The following STXBP5L variants were observed in gnomAD, a reference collection of about 807,000 sequenced individuals.
The protein encoded by STXBP5L is syntaxin-binding protein 5-like.
STXBP5L carries 65 observed loss-of-function variants against 144.5 expected under a neutral mutation model. That is an observed-to-expected ratio of 0.45 (90% CI 0.37 to 0.55). The LOEUF is 0.55. Among genes scored for constraint, STXBP5L ranks in the 20% least tolerant of loss-of-function variants. The probability of loss-of-function intolerance (pLI) is 0.00; values close to 1 mark genes in which losing one functional copy is unlikely to be tolerated. For missense variants in STXBP5L, 1,298 were observed against 1,405.5 expected (o/e 0.92, Z 1.22); for synonymous variants, 505 against 469.6 (o/e 1.08, Z -0.97).
chr3:121,111,051 T>C (rs1319752495), intron 5 of STXBP5L, among the ~76,000 whole-genome samples: 2 of 152,198 alleles, frequency 1.3e-5, no homozygotes, highest in African/African-American at 4.8e-5. Flanking sequence ...TGTGGGTGCA[T>C]TGTGAAGTTC....
chr3:121,201,411 T>C (rs1329656254), intron 9 of STXBP5L, among the ~76,000 whole-genome samples: 1 of 152,232 alleles, frequency 6.6e-6, no homozygotes, highest in African/African-American at 2.4e-5. Flanking sequence ...AGTATGTCTT[T>C]ACATGTGAGA....
At chr3:121,227,721 T>C (rs111309810) in intron 11 of STXBP5L, among the ~76,000 whole-genome samples, 2,937 of 152,232 alleles carry the variant, frequency 0.019, 89 homozygotes, top group African/African-American at 0.066. Context: ...AATTTCCAAT[T>C]GACAAGGCAA....
chr3:121,312,601 C>T (rs1410028399), intron 19 of STXBP5L, among the ~76,000 whole-genome samples: 3 of 150,694 alleles, frequency 2.0e-5, no homozygotes, highest in Non-Finnish European at 4.4e-5. Context: ...GCAGAGGACC[C>T]TGCGGCCTTC....
At chr3:121,119,252 A>G (rs2044356606) in intron 6 of STXBP5L, among the ~76,000 whole-genome samples, 1 of 151,440 alleles carries the variant, frequency 6.6e-6, no homozygotes, top group Non-Finnish European at 1.5e-5. Context: ...TCAACTGCAA[A>G]TGAGTAGTAA....
intron 5 of STXBP5L, among the ~76,000 whole-genome samples, chr3:121,103,412 T>A (rs762178866): frequency 6.6e-6 from 1 of 152,098 alleles, no homozygotes; most frequent in Non-Finnish European, 1.5e-5. Context: ...CTGGAGGCCA[T>A]TATCTTAAGA....
rs1019724402 is a variant in STXBP5L, at chr3:121,224,561, G to A, written c.1111+1404G>A. ...GAGTGAGATTATTATGACTTGTTAA[G>A]TTTAAGTAATGAAAGACCTTAATTA... On this transcript the variant is annotated intron_variant, in intron 11 of 26. Transcript: ENST00000471454. 2.6e-5 allele frequency among the ~76,000 whole-genome samples: 4 copies of A among 152,258 alleles called. No homozygotes were observed. The South Asian group carries it at 8.3e-4, about 32-fold the overall frequency.
rs1249558033 is a variant in STXBP5L at position 121,378,759 on chromosome 3, C to T, written c.2220C>T (p.Cys740=). The T allele has an allele frequency of 1.2e-6, 2 of 1,613,714 alleles. No homozygotes were observed. Among genetic ancestry groups the T allele is most frequent in the South Asian group, 1.1e-5 (1 of 91,062 alleles). ...GCACAAGTCCAACTTCTCAGAGTTG[C>T]AGTTCTGGAAAACGTCTTTCTAGTG... ...GHCTSPTSQS[C]SSGKRLSSAD... Residue 740 remains cysteine (C), a synonymous_variant, in exon 21 of 27, where the codon TGC becomes TGT. Transcript: ENST00000471454.
At chr3:121,093,200 C>G (rs12493856) in intron 5 of STXBP5L, among the ~76,000 whole-genome samples, 74 of 152,178 alleles carry the variant, frequency 4.9e-4, no homozygotes, top group African/African-American at 1.8e-3. Context: ...ATTTTTGCAT[C>G]AATGTTCATC....
chr3:121,085,268 G>A (rs565407558), intron 5 of STXBP5L, among the ~76,000 whole-genome samples: 1 of 152,100 alleles, frequency 6.6e-6, no homozygotes, highest in East Asian at 1.9e-4. Context: ...TGCAGTTGAC[G>A]TTTTTGTCAT....
At chr3:121,014,610 T>C (rs1341013627) in intron 3 of STXBP5L, among the ~76,000 whole-genome samples, 2 of 124,104 alleles carry the variant, frequency 1.6e-5, no homozygotes, top group Admixed American at 2.0e-4. Flanking sequence ...TACCAAACAT[T>C]AGGTGTCTTA....
intron 2 of STXBP5L, among the ~76,000 whole-genome samples, chr3:120,918,136 A>G (rs566497973): frequency 6.6e-6 from 1 of 152,236 alleles, no homozygotes; most frequent in South Asian, 2.1e-4. Flanking sequence ...AAGCCAGTTG[A>G]TCTTTCCAAC....
chr3:121,070,789 A>G (rs3845851), intron 5 of STXBP5L, among the ~76,000 whole-genome samples: 2,823 of 152,254 alleles, frequency 0.019, 90 homozygotes, highest in African/African-American at 0.065. Context: ...ATCAAAATAT[A>G]TGGAGACAGG....
chr3:121,212,674 T>C (rs2048623476), intron 10 of STXBP5L, among the ~76,000 whole-genome samples: 1 of 152,218 alleles, frequency 6.6e-6, no homozygotes, highest in African/African-American at 2.4e-5. Context: ...TTCTTTTTGC[T>C]TAGCATTGTC....
chr3:121,145,145 T>C (rs2045665778), intron 7 of STXBP5L, among the ~76,000 whole-genome samples: 1 of 151,840 alleles, frequency 6.6e-6, no homozygotes. Flanking sequence ...AATTTGTTAA[T>C]AGGGTAGATC....
At chr3:121,109,002 G>A (rs1038057772) in intron 5 of STXBP5L, among the ~76,000 whole-genome samples, 2 of 152,034 alleles carry the variant, frequency 1.3e-5, no homozygotes, top group Non-Finnish European at 2.9e-5. Context: ...TATTTGCATA[G>A]TATGCAAATA....
chr3:121,285,541 C>A (rs73183129), intron 19 of STXBP5L, among the ~76,000 whole-genome samples: 5,440 of 152,084 alleles, frequency 0.036, 144 homozygotes, highest in Middle Eastern at 0.082. Context: ...AAACAGCTGA[C>A]CTCCCCAAAT....
intron 22 of STXBP5L, among the ~76,000 whole-genome samples, chr3:121,396,411 A>T (rs2046731070): frequency 6.6e-6 from 1 of 152,218 alleles, no homozygotes. Flanking sequence ...AGAGGCTGGA[A>T]TGCCCATCAC....
intron 2 of STXBP5L, among the ~76,000 whole-genome samples, chr3:120,928,832 T>G (rs1255437021): frequency 6.6e-6 from 1 of 152,166 alleles, no homozygotes; most frequent in Non-Finnish European, 1.5e-5. Flanking sequence ...TTGATTTTTT[T>G]GGGTGCATTT....
chr3:121,245,625 G>A (rs942732009), intron 14 of STXBP5L, among the ~76,000 whole-genome samples: 1 of 152,030 alleles, frequency 6.6e-6, no homozygotes, highest in African/African-American at 2.4e-5. Context: ...CATGCAAATT[G>A]TAACCAAAAG....
Sources: gnomAD v4.1 joint callset for allele counts (sites outside exome capture counted in the v4.1 genomes callset) on GRCh38, gnomAD v4.1.1 for gene constraint, MANE v1.5 for transcripts, NCBI Gene and HGNC (gene_info 2026-07-23, HGNC 2026-07-21) for gene names.